TNPO3: variants seen among roughly 807,000 people sequenced by gnomAD.
TNPO3 encodes transportin 3.
TNPO3 carries 65 observed loss-of-function variants against 122.8 expected under a neutral mutation model. The observed-to-expected ratio is 0.53, with a 90% confidence interval of 0.43 to 0.65. The LOEUF (loss-of-function observed/expected upper bound fraction) is 0.65. TNPO3 is among the 30% of genes least tolerant of loss of function. The pLI is 0.00. For synonymous variants in TNPO3, 372 were observed against 411.2 expected (o/e 0.90, Z 1.15); for missense variants, 850 against 1,136.7 (o/e 0.75, Z 3.63).
At chr7:129,014,158 A>G (rs1803560031) in intron 4 of TNPO3, among the ~76,000 whole-genome samples, 1 of 152,224 alleles carries the variant, frequency 6.6e-6, no homozygotes, top group African/African-American at 2.4e-5. Flanking sequence ...TAAAGGTTTG[A>G]GGTGATGGAT....
At chr7:129,016,551 G>A (rs778875914) in intron 3 of TNPO3, among the ~76,000 whole-genome samples, 5 of 152,174 alleles carry the variant, frequency 3.3e-5, no homozygotes, top group Admixed American at 1.3e-4. Context: ...AGGAATACTT[G>A]TTTCAAAGTA....
chr7:129,038,444 C>T (rs1469012591), intron 1 of TNPO3, among the ~76,000 whole-genome samples: 1 of 152,148 alleles, frequency 6.6e-6, no homozygotes, highest in African/African-American at 2.4e-5. Context: ...GAGCTAAAAA[C>T]AGAACTACCA....
chr7:128,955,639 T>A (rs558986761), intron 22 of TNPO3, among the ~76,000 whole-genome samples: 1 of 152,282 alleles, frequency 6.6e-6, no homozygotes, highest in South Asian at 2.1e-4. Context: ...CAAGGGATGA[T>A]GTGTCAGGAG....
At chr7:129,015,295 T>C (rs965186458) in intron 3 of TNPO3, among the ~76,000 whole-genome samples, 160 bp from the exon 4 acceptor site, 2 of 151,988 alleles carry the variant, frequency 1.3e-5, no homozygotes, top group African/African-American at 4.8e-5. Context: ...CCATAATTAG[T>C]TAAGATTAAA....
At chr7:128,975,721 TA>T in intron 17 of TNPO3, 97 bp downstream of exon 17, 1 of 772,160 alleles carries the variant, frequency 1.3e-6, no homozygotes, top group Non-Finnish European at 2.2e-6. Flanking sequence ...GGGGAAAACA[TA>T]AAGAAGCAAC....
chr7:129,035,966 T>C (rs1806615566), intron 1 of TNPO3, among the ~76,000 whole-genome samples: 1 of 148,230 alleles, frequency 6.7e-6, no homozygotes, highest in Non-Finnish European at 1.5e-5. Flanking sequence ...TTTTTTTTTT[T>C]TTTTTGAGAT....
rs1299743179 is a variant in TNPO3, at chr7:129,003,296, G to GTTTTTTTTTTT, written c.696+1719_696+1720insAAAAAAAAAAA. On this transcript the variant is annotated intron_variant, in intron 5 of 22. Coordinates refer to ENST00000265388, the MANE Select transcript of TNPO3 (RefSeq NM_012470.4). ...ATATATGAAGTATTTTAATTTTTAG[G>GTTTTTTTTTTT]GTTTTTTTTTTTTTTTTTTTTTAAG... Among the ~76,000 whole-genome samples the GTTTTTTTTTTT allele has an allele frequency of 7.4e-5, 8 of 107,734 alleles. 3 individuals are homozygous for GTTTTTTTTTTT. Among genetic ancestry groups the GTTTTTTTTTTT allele is most frequent in the Non-Finnish European group, 5.5e-5 (3 of 54,122 alleles). The allele number at this position is 107,734 out of a possible 152,430, so 70.7% of individuals were successfully genotyped here. A position where few individuals can be genotyped will look rare whatever the true frequency, so the allele number is the denominator to read the frequency against.
intron 1 of TNPO3, among the ~76,000 whole-genome samples, chr7:129,021,315 A>G (rs1804482837): frequency 6.6e-6 from 1 of 150,908 alleles, no homozygotes; most frequent in South Asian, 2.1e-4. Flanking sequence ...AGATCGCACC[A>G]CTGCACTCCA....
chr7:128,997,716 G>A lies in TNPO3; in HGVS notation c.1012-181C>T, dbSNP rs566646552. Among the ~76,000 whole-genome samples the A allele has an allele frequency of 3.9e-5, 6 of 152,238 alleles. No homozygotes were observed. In the South Asian group the frequency reaches 1.0e-3, roughly 26 times the overall value. On this transcript the variant is annotated intron_variant, in intron 7 of 22. Transcript: ENST00000265388. ...TTATCTCCCCAAATTGTCTTCCCACGTTAGGCCCAAATCTCCATTTAGAAT... is the reference window on the plus strand; with the variant it reads ...TTATCTCCCCAAATTGTCTTCCCACATTAGGCCCAAATCTCCATTTAGAAT...
At chr7:128,980,998 A>G (rs960122342) in intron 14 of TNPO3, among the ~76,000 whole-genome samples, 43 of 152,370 alleles carry the variant, frequency 2.8e-4, no homozygotes, top group African/African-American at 1.0e-3. Flanking sequence ...ATAATTAACT[A>G]CAAACTACTT....
intron 4 of TNPO3, among the ~76,000 whole-genome samples, chr7:129,006,322 T>C (rs753047937): frequency 2.0e-5 from 3 of 152,210 alleles, no homozygotes; most frequent in Non-Finnish European, 1.5e-5. Flanking sequence ...TGATACAGAA[T>C]AGATAATAAG....
chr7:129,054,873 C>T lies in TNPO3; in HGVS notation c.-103G>A. 1 of 1,504,350 alleles carries T rather than the reference C, an allele frequency of 6.6e-7. No individual in the cohort carries two copies. Among genetic ancestry groups the T allele is most frequent in the Non-Finnish European group, 9.1e-7 (1 of 1,102,976 alleles). The allele number at this position is 1,504,350 out of a possible 1,614,324, so 93.2% of individuals were successfully genotyped here. A position where few individuals can be genotyped will look rare whatever the true frequency, so the allele number is the denominator to read the frequency against. On this transcript the variant is annotated 5_prime_UTR_variant, in exon 1 of 23. Coordinates refer to ENST00000265388, the MANE Select transcript of TNPO3 (RefSeq NM_012470.4). ...CCTCACTGTCTGGGCCACGGCCGCT[C>T]CCTGACTGGCGCCATCTCCTCCTCT... is the stretch of plus-strand genomic sequence containing the variant.
chr7:128,986,796 G>C lies in TNPO3; in HGVS notation c.1623C>G (p.Leu541=), dbSNP rs1002968381. The change falls in exon 12 of 23, where the codon CTC becomes CTG. Residue 541 remains leucine, a synonymous_variant. Coordinates refer to ENST00000265388, the MANE Select transcript of TNPO3 (RefSeq NM_012470.4). ...RDHMAQHFNG[L]LEIARSLDSF... Reference sequence around the variant, plus strand: ...AATCGAGGGAGCGGGCAATCTCCAGGAGTCCATTAAAGTGCTGAGCCATGT... The same window carrying C: ...AATCGAGGGAGCGGGCAATCTCCAGCAGTCCATTAAAGTGCTGAGCCATGT... 9 of 1,614,038 alleles carry C rather than the reference G, an allele frequency of 5.6e-6. No homozygotes were observed. The highest frequency in any genetic ancestry group is 7.6e-6 in the Non-Finnish European group (9 of 1,180,014).
chr7:129,025,331 C>A (rs1207746344), intron 1 of TNPO3, among the ~76,000 whole-genome samples: 2 of 107,208 alleles, frequency 1.9e-5, no homozygotes, highest in African/African-American at 7.3e-5. Context: ...GCCTAGGCAA[C>A]AAGAGTGAAA....
At chr7:128,958,679 A>G (rs1438458094) in intron 21 of TNPO3, among the ~76,000 whole-genome samples, 2 of 152,238 alleles carry the variant, frequency 1.3e-5, no homozygotes, top group Non-Finnish European at 2.9e-5. Context: ...GTTCTGAAAC[A>G]TCATTAAGAA....
At chr7:129,050,165 C>G (rs1808545188) in intron 1 of TNPO3, among the ~76,000 whole-genome samples, 1 of 151,904 alleles carries the variant, frequency 6.6e-6, no homozygotes, top group South Asian at 2.1e-4. Context: ...GGGCAGATCA[C>G]AAGGTCAGGA....
intron 1 of TNPO3, among the ~76,000 whole-genome samples, chr7:129,035,013 G>C (rs572315889): frequency 1.3e-5 from 2 of 151,698 alleles, no homozygotes; most frequent in Non-Finnish European, 2.9e-5. Context: ...GGTGGCTCAC[G>C]CCTGTAATCC....
intron 1 of TNPO3, among the ~76,000 whole-genome samples, chr7:129,025,186 TAAA>T (rs1274395099): frequency 6.7e-6 from 1 of 149,458 alleles, no homozygotes; most frequent in Non-Finnish European, 1.5e-5. Context: ...CCATCTCTAC[TAAA>T]AATACAAAAA....
chr7:128,993,586 G>A (rs1800982495), intron 9 of TNPO3, among the ~76,000 whole-genome samples: 1 of 152,220 alleles, frequency 6.6e-6, no homozygotes, highest in Non-Finnish European at 1.5e-5. Context: ...CAAGCATACA[G>A]AGTAAACCAT....
Sources: allele counts gnomAD v4.1 joint callset (sites outside exome capture counted in the v4.1 genomes callset), GRCh38; gene constraint gnomAD v4.1.1; transcripts MANE v1.5; gene names NCBI Gene and HGNC (gene_info 2026-07-23, HGNC 2026-07-21).